Variants in FOXK1 observed in about 807,000 individuals in gnomAD.
FOXK1 encodes forkhead box K1, also known as forkhead box protein K1.
A neutral mutation model predicts 51.9 loss-of-function variants in FOXK1; 19 were observed. The observed-to-expected ratio is 0.37, with a 90% CI of 0.26 to 0.54. FOXK1 has a LOEUF of 0.54. FOXK1 is among the 20% of genes least tolerant of loss of function. The probability of loss-of-function intolerance (pLI) is 0.87; values close to 1 mark genes in which losing one functional copy is unlikely to be tolerated. For synonymous variants in FOXK1, 537 were observed against 482.6 expected (o/e 1.11, Z -1.48); for missense variants, 870 against 1,032.7 (o/e 0.84, Z 2.16).
Position 4,707,811 on chromosome 7 carries a change from A to G in FOXK1, c.560+24943A>G, listed in dbSNP as rs1022674867. On this transcript the variant is annotated intron_variant, in intron 1 of 8. Coordinates refer to ENST00000328914, the MANE Select transcript of FOXK1 (RefSeq NM_001037165.2). This position sits in a 1 kb window ranked among gnomAD's most constrained non-coding sequence, Gnocchi z 4.1. ...GCAATTCTCCTACCTCAGCCCCCCAAGTAGCTGGGATGATAGGGCCCGCCA... is the reference window on the plus strand; with the variant it reads ...GCAATTCTCCTACCTCAGCCCCCCAGGTAGCTGGGATGATAGGGCCCGCCA... 6.6e-6 allele frequency among the ~76,000 whole-genome samples: 1 copy of G among 151,656 alleles called. No individual in the cohort carries two copies. Among genetic ancestry groups the G allele is most frequent in the East Asian group, 1.9e-4 (1 of 5,164 alleles).
chr7:4,758,939 G>A lies in FOXK1; in HGVS notation c.1245-112G>A, dbSNP rs949261914. On this transcript the variant is annotated intron_variant, in intron 5 of 8. Transcript: ENST00000328914. The surrounding 1 kb of genome is among the most constrained non-coding windows in gnomAD (Gnocchi z 4.4). Reference sequence around the variant, plus strand: ...CCGTCTGAATGCGGAGGACAGAGACGAGCTCCAGGGAGCGTGGGCGGGTGA... The same window carrying A: ...CCGTCTGAATGCGGAGGACAGAGACAAGCTCCAGGGAGCGTGGGCGGGTGA... 2.6e-6 allele frequency: 3 copies of A among 1,168,252 alleles called. No individual in the cohort carries two copies. The highest frequency in any genetic ancestry group is 1.5e-5 in the South Asian group (1 of 66,402). 72.4% of individuals were successfully genotyped at this position (1,168,252 alleles called of 1,614,324 possible). A position where few individuals can be genotyped will look rare whatever the true frequency, so the allele number is the denominator to read the frequency against.
At chr7:4,706,247 A>T (rs576106248) in intron 1 of FOXK1, among the ~76,000 whole-genome samples, 1 of 152,218 alleles carries the variant, frequency 6.6e-6, no homozygotes, top group Admixed American at 6.5e-5. Context: ...TTGTATTTGC[A>T]TATTCACAAC....
At chr7:4,706,006 ATATATACG>A (rs1780093085) in intron 1 of FOXK1, among the ~76,000 whole-genome samples, 2 of 100,228 alleles carry the variant, frequency 2.0e-5, no homozygotes, top group Admixed American at 8.9e-5. Flanking sequence ...ATATATACGT[ATATATACG>A]TATATATACG....
chr7:4,740,162 G>C (rs964292080), intron 1 of FOXK1, among the ~76,000 whole-genome samples: 4 of 152,182 alleles, frequency 2.6e-5, no homozygotes, highest in African/African-American at 9.6e-5. Context: ...CAGGCGCGGT[G>C]GCTCACGCCT....
At chr7:4,697,951 A>G (rs1362112415) in intron 1 of FOXK1, among the ~76,000 whole-genome samples, 4 of 151,766 alleles carry the variant, frequency 2.6e-5, no homozygotes, top group Non-Finnish European at 1.5e-5. Flanking sequence ...CAGCCTCCCG[A>G]GTAGCTGGGA....
At chr7:4,724,199 T>A (rs1780350281) in intron 1 of FOXK1, among the ~76,000 whole-genome samples, 1 of 151,620 alleles carries the variant, frequency 6.6e-6, no homozygotes, top group South Asian at 2.1e-4. Context: ...TGGTTGTTGT[T>A]GTTGTTTTCT....
chr7:4,742,112 C>A (rs1336502171), intron 2 of FOXK1, among the ~76,000 whole-genome samples: 3 of 152,264 alleles, frequency 2.0e-5, no homozygotes, highest in Non-Finnish European at 2.9e-5. Context: ...CTCCGCAGCA[C>A]CAGCAGTTTC....
intron 5 of FOXK1, 37 bp from the exon 6 acceptor site, chr7:4,759,014 C>T (rs540340610): frequency 8.4e-6 from 13 of 1,548,210 alleles, no homozygotes; most frequent in Admixed American, 3.8e-5. Context: ...TCCCTCAGCG[C>T]GGGCGCTGAC....
At chr7:4,732,873 G>A (rs927763083) in intron 1 of FOXK1, among the ~76,000 whole-genome samples, 2 of 152,180 alleles carry the variant, frequency 1.3e-5, no homozygotes, top group Non-Finnish European at 2.9e-5. Context: ...TTCCCATAGC[G>A]CAGAGTTTAT....
chr7:4,751,342 G>C (rs1336293277), intron 2 of FOXK1, among the ~76,000 whole-genome samples: 1 of 152,090 alleles, frequency 6.6e-6, no homozygotes, highest in Non-Finnish European at 1.5e-5. Context: ...ACCGTGCCCG[G>C]CCCAGCATTT....
intron 2 of FOXK1, among the ~76,000 whole-genome samples, chr7:4,744,744 T>A (rs1780679209): frequency 6.6e-6 from 1 of 152,264 alleles, no homozygotes; most frequent in Non-Finnish European, 1.5e-5. Context: ...CTGCTCTTGC[T>A]GCGGGAGCCA....
chr7:4,762,083 C>T lies in FOXK1; in HGVS notation c.1922-101C>T. The T allele has an allele frequency of 7.2e-7, 1 of 1,394,178 alleles. No homozygotes were observed. Among genetic ancestry groups the T allele is most frequent in the South Asian group, 1.4e-5 (1 of 71,168 alleles). 86.4% of individuals were successfully genotyped at this position (1,394,178 alleles called of 1,614,324 possible). ...CTGCCTGGCAGGGGTGCACTGACCT[C>T]CGGTTCCGGCTTGGTGGCTTAGCCC... On this transcript the variant is annotated intron_variant, in intron 8 of 8. Coordinates refer to ENST00000328914, the MANE Select transcript of FOXK1 (RefSeq NM_001037165.2). This position sits in a 1 kb window ranked among gnomAD's most constrained non-coding sequence, Gnocchi z 5.7.
chr7:4,696,147 G>T (rs1333941840), intron 1 of FOXK1, among the ~76,000 whole-genome samples: 1 of 150,976 alleles, frequency 6.6e-6, no homozygotes, highest in Non-Finnish European at 1.5e-5. Flanking sequence ...ATCTTGTGCT[G>T]AGTCTGACCC....
At chr7:4,714,873 A>C (rs1037934699) in intron 1 of FOXK1, among the ~76,000 whole-genome samples, 1 of 152,070 alleles carries the variant, frequency 6.6e-6, no homozygotes, top group African/African-American at 2.4e-5. Context: ...CCTGAGTCCG[A>C]TTTCTCCAGA....
In FOXK1 at chr7:4,735,102, T is replaced by C. The variant is rs1361422808; in HGVS notation, c.561-5736T>C. 6.6e-6 allele frequency among the ~76,000 whole-genome samples: 1 copy of C among 152,136 alleles called. No homozygotes were observed. The highest frequency in any genetic ancestry group is 1.5e-5 in the Non-Finnish European group (1 of 68,032). Reference sequence around the variant, plus strand: ...TTGTGGCCTAGGGAGGGGATGGGAATGAAGGCACATGACATGCCCCAAGTC... The same window carrying C: ...TTGTGGCCTAGGGAGGGGATGGGAACGAAGGCACATGACATGCCCCAAGTC... On this transcript the variant is annotated intron_variant, in intron 1 of 8. Transcript: ENST00000328914. This position sits in a 1 kb window ranked among gnomAD's most constrained non-coding sequence, Gnocchi z 4.7.
chr7:4,702,668 C>T (rs769972728), intron 1 of FOXK1, among the ~76,000 whole-genome samples: 3 of 152,170 alleles, frequency 2.0e-5, no homozygotes, highest in Non-Finnish European at 2.9e-5. Flanking sequence ...TTAGTTCACG[C>T]GAGTTTTCAG....
rs897416518 is a variant in FOXK1, at chr7:4,747,097, G to C, written c.746+6074G>C. 2.0e-5 allele frequency among the ~76,000 whole-genome samples: 3 copies of C among 152,162 alleles called. No homozygotes were observed. Among genetic ancestry groups the C allele is most frequent in the Admixed American group, 1.3e-4 (2 of 15,274 alleles). On this transcript the variant is annotated intron_variant, in intron 2 of 8. Transcript: ENST00000328914. The surrounding 1 kb of genome is among the most constrained non-coding windows in gnomAD (Gnocchi z 9.2). The stretch of plus-strand genomic sequence containing the variant: ...AATGAAGCTTGGTAGGGAAGTCCTT[G>C]TGTTTGTCCGAATCTGTTGAAAGGA...
chr7:4,698,256 G>A (rs751844959), intron 1 of FOXK1, among the ~76,000 whole-genome samples: 31 of 151,658 alleles, frequency 2.0e-4, no homozygotes, highest in Non-Finnish European at 3.2e-4. Flanking sequence ...CATGTTTAGC[G>A]TTTTCTCTAT....
chr7:4,695,097 G>A (rs528550832), intron 1 of FOXK1, among the ~76,000 whole-genome samples: 96 of 152,372 alleles, frequency 6.3e-4, no homozygotes, highest in African/African-American at 2.3e-3. Flanking sequence ...AGAAGAAGGA[G>A]AACTGCAAAG....
Sources: allele counts gnomAD v4.1 joint callset (sites outside exome capture counted in the v4.1 genomes callset), GRCh38; gene constraint gnomAD v4.1.1; non-coding constraint Gnocchi (gnomAD v3.1); transcripts MANE v1.5; gene names NCBI Gene and HGNC (gene_info 2026-07-23, HGNC 2026-07-21).